Variants in ATP9B observed in about 807,000 individuals in gnomAD.
ATP9B encodes the protein ATPase phospholipid transporting 9B, also known as probable phospholipid-transporting ATPase IIB.
A neutral mutation model predicts 146.1 loss-of-function variants in ATP9B; 110 were observed. The ratio of observed to expected loss-of-function variants is 0.75; its 90% CI spans 0.65 to 0.88. The LOEUF is 0.88. Ranked by LOEUF, ATP9B falls within the 40% of genes least tolerant of loss-of-function variation. The pLI, the probability that ATP9B is intolerant of heterozygous loss-of-function variation, is 0.00. For missense variants in ATP9B, 1,499 were observed against 1,496.4 expected, an observed-to-expected ratio of 1.00 and a Z score of -0.03; for synonymous variants, 604 against 569.7, an observed-to-expected ratio of 1.06 and a Z score of -0.86.
At chr18:79,243,502 C>T (rs2095909899) in intron 11 of ATP9B, among the ~76,000 whole-genome samples, 1 of 152,176 alleles carries the variant, frequency 6.6e-6, no homozygotes, top group Non-Finnish European at 1.5e-5. Context: ...TATAAATCCC[C>T]ACATATTTAC....
intron 9 of ATP9B, among the ~76,000 whole-genome samples, 200 bp downstream of exon 9, chr18:79,193,463 A>AT (rs569870049): frequency 3.2e-4 from 48 of 152,156 alleles, no homozygotes; most frequent in African/African-American, 1.1e-3. Context: ...AGTTTTTGGA[A>AT]TTTTTTTTAG....
intron 12 of ATP9B, among the ~76,000 whole-genome samples, chr18:79,267,877 T>C (rs932000686): frequency 2.6e-5 from 4 of 152,118 alleles, no homozygotes; most frequent in African/African-American, 4.8e-5. Flanking sequence ...ATTCTTAATC[T>C]TGTTTTTCAG....
At chr18:79,121,038 T>C (rs2094179661) in intron 4 of ATP9B, among the ~76,000 whole-genome samples, 1 of 152,236 alleles carries the variant, frequency 6.6e-6, no homozygotes, top group Non-Finnish European at 1.5e-5. Flanking sequence ...CTCAATTCCC[T>C]TATCTGTAAA....
At chr18:79,189,191 A>C (rs1055117448) in intron 8 of ATP9B, among the ~76,000 whole-genome samples, 3 of 152,092 alleles carry the variant, frequency 2.0e-5, no homozygotes, top group Non-Finnish European at 2.9e-5. Flanking sequence ...TAATAAAAAT[A>C]TAAAAATCAT....
At chr18:79,169,044 C>T (rs1344280191) in intron 7 of ATP9B, among the ~76,000 whole-genome samples, 1 of 152,108 alleles carries the variant, frequency 6.6e-6, no homozygotes, top group African/African-American at 2.4e-5. Flanking sequence ...GTGGAGGCAG[C>T]GTCCTGCCTC....
intron 13 of ATP9B, among the ~76,000 whole-genome samples, chr18:79,292,260 A>G (rs2146188581): frequency 6.6e-6 from 1 of 152,254 alleles, no homozygotes; most frequent in Non-Finnish European, 1.5e-5. Flanking sequence ...TGTAAAGGAG[A>G]GCAAAACTCT....
At chr18:79,247,780 T>G (rs553803132) in intron 11 of ATP9B, among the ~76,000 whole-genome samples, 1 of 152,238 alleles carries the variant, frequency 6.6e-6, no homozygotes, top group Non-Finnish European at 1.5e-5. Context: ...TACTTTTTTA[T>G]GTTAATGTTC....
chr18:79,212,013 G>A (rs1027749275), intron 10 of ATP9B, among the ~76,000 whole-genome samples: 4 of 152,088 alleles, frequency 2.6e-5, no homozygotes, highest in African/African-American at 9.7e-5. Context: ...ATCATACTTT[G>A]TTGCCCTCTC....
chr18:79,186,169 C>G (rs1179796394), intron 8 of ATP9B, among the ~76,000 whole-genome samples: 1 of 152,078 alleles, frequency 6.6e-6, no homozygotes, highest in Non-Finnish European at 1.5e-5. Context: ...TTCAAAAGAT[C>G]CGTATAGCAG....
At position 79,224,094 on chromosome 18, in the gene ATP9B, A is replaced by G. The variant is rs752705630; in HGVS notation, c.1107+10056A>G. 9.1e-4 allele frequency among the ~76,000 whole-genome samples: 139 copies of G among 152,372 alleles called. 3 individuals carry two copies. Among genetic ancestry groups the G allele is most frequent in the Non-Finnish European group, 2.9e-4 (20 of 68,034 alleles). ...ATATTAAATAAGAACTATATTTGAC[A>G]GTATCTCATCATTTCTAAGCGGTAT... On this transcript the variant is annotated intron_variant, in intron 11 of 29. Transcript: ENST00000426216.
chr18:79,376,143 G>C (rs2097100344), intron 29 of ATP9B: 1 of 969,200 alleles, frequency 1.0e-6, no homozygotes, highest in African/African-American at 2.0e-5. Flanking sequence ...GTTGCCCCCA[G>C]CCCCTCATAA....
At chr18:79,293,554 CAG>C (rs2146220848) in intron 13 of ATP9B, among the ~76,000 whole-genome samples, 1 of 152,338 alleles carries the variant, frequency 6.6e-6, no homozygotes, top group African/African-American at 2.4e-5. Flanking sequence ...CAGGACTCTG[CAG>C]AGAGTCCCCA....
intron 12 of ATP9B, among the ~76,000 whole-genome samples, chr18:79,270,603 T>G (rs2096245129): frequency 6.6e-6 from 1 of 152,174 alleles, no homozygotes; most frequent in South Asian, 2.1e-4. Context: ...CAAACCCTAA[T>G]TTTATAGTTA....
intron 15 of ATP9B, among the ~76,000 whole-genome samples, chr18:79,327,690 C>CCGTGGTTAGTGTGCTCTCT (rs2096762146): frequency 6.9e-6 from 1 of 145,674 alleles, no homozygotes; most frequent in African/African-American, 2.6e-5. Flanking sequence ...AGCGTGCTCT[C>CCGTGGTTAGTGTGCTCTCT]CGTGGTTAGT....
chr18:79,350,868 A>C (rs1257039917), intron 25 of ATP9B, among the ~76,000 whole-genome samples: 1 of 151,274 alleles, frequency 6.6e-6, no homozygotes, highest in East Asian at 2.0e-4. Flanking sequence ...TCCTAGGTTC[A>C]AGTGATTCTC....
intron 26 of ATP9B, chr18:79,362,813 G>A (rs1345655443): frequency 1.3e-5 from 2 of 152,230 alleles, no homozygotes; most frequent in African/African-American, 4.8e-5. Context: ...TTGATTTGTA[G>A]TTGTGCTAAT....
intron 18 of ATP9B, 90 bp from the exon 19 acceptor site, chr18:79,337,188 TC>T: frequency 9.0e-7 from 1 of 1,106,310 alleles, no homozygotes; most frequent in Admixed American, 2.8e-5. Context: ...CACCTCCCCC[TC>T]TGTCCCCACA....
At chr18:79,155,734 G>A (rs2094765871) in intron 7 of ATP9B, among the ~76,000 whole-genome samples, 1 of 134,922 alleles carries the variant, frequency 7.4e-6, no homozygotes, top group South Asian at 2.6e-4. Context: ...TTTTGTCAAA[G>A]AAGAAACATG....
intron 13 of ATP9B, among the ~76,000 whole-genome samples, chr18:79,285,069 C>A (rs55714018): frequency 0.41 from 61,547 of 150,690 alleles, 12,828 homozygotes; most frequent in East Asian, 0.66. Context: ...TGAATAATGC[C>A]GCAATAAACA....
Sources: gnomAD v4.1 joint callset for allele counts (sites outside exome capture counted in the v4.1 genomes callset) on GRCh38, gnomAD v4.1.1 for gene constraint, MANE v1.5 for transcripts, NCBI Gene and HGNC (gene_info 2026-07-23, HGNC 2026-07-21) for gene names.